MATN2: variants seen among roughly 807,000 people sequenced by gnomAD.
MATN2 encodes the protein matrilin-2.
A neutral mutation model predicts 103.2 loss-of-function variants in MATN2; 69 were observed. That is an observed-to-expected ratio of 0.67 (90% CI 0.55 to 0.82). The LOEUF (loss-of-function observed/expected upper bound fraction) is 0.82. Ranked by LOEUF, MATN2 falls within the 40% of genes least tolerant of loss-of-function variation. The pLI is 0.00. For synonymous variants in MATN2, 429 were observed against 450.2 expected, an observed-to-expected ratio of 0.95 and a Z score of 0.60; for missense variants, 1,023 against 1,211.5, an observed-to-expected ratio of 0.84 and a Z score of 2.31.
chr8:97,922,098 C>T (rs1392658355), intron 2 of MATN2, among the ~76,000 whole-genome samples: 1 of 152,142 alleles, frequency 6.6e-6, no homozygotes, highest in East Asian at 1.9e-4. Flanking sequence ...GTGAAACAGT[C>T]CCCCTCTTCC....
intron 4 of MATN2, among the ~76,000 whole-genome samples, chr8:97,956,351 AT>A (rs1433085371): frequency 6.6e-6 from 1 of 152,062 alleles, no homozygotes; most frequent in Admixed American, 6.6e-5. Context: ...CTAATTTTGT[AT>A]TTTTAATAGA....
chr8:98,026,150 G>A (rs1813790904), intron 13 of MATN2, among the ~76,000 whole-genome samples: 1 of 127,604 alleles, frequency 7.8e-6, no homozygotes, highest in Non-Finnish European at 1.6e-5. Context: ...TTGCACTTCA[G>A]CCTGGGTAAC....
chr8:97,974,489 C>T (rs1376086556), intron 5 of MATN2, among the ~76,000 whole-genome samples: 2 of 152,044 alleles, frequency 1.3e-5, no homozygotes, highest in African/African-American at 2.4e-5. Flanking sequence ...CACTGTCGCC[C>T]AGGCTGGAAT....
intron 4 of MATN2, among the ~76,000 whole-genome samples, chr8:97,952,922 T>TA (rs1477550942): frequency 6.9e-6 from 1 of 144,150 alleles, no homozygotes; most frequent in East Asian, 2.0e-4. Flanking sequence ...AGGGATTTTT[T>TA]TTTTTTTTTT....
At position 98,036,353 on chromosome 8, in the gene MATN2, C is replaced by T. The variant is rs1736121232; in HGVS notation, c.*641C>T. On this transcript the variant is annotated 3_prime_UTR_variant, in exon 19 of 19. Coordinates refer to ENST00000254898, the MANE Select transcript of MATN2 (RefSeq NM_002380.5). ...TGCAGGTTAAAACAATACCATTTTTCACCCATCAGCTTAGCAAAAATGAGT... is the reference window on the plus strand; with the variant it reads ...TGCAGGTTAAAACAATACCATTTTTTACCCATCAGCTTAGCAAAAATGAGT... 1 of 152,170 alleles carries T rather than the reference C, an allele frequency of 6.6e-6. No individual in the cohort carries two copies. Among genetic ancestry groups the T allele is most frequent in the South Asian group, 2.1e-4 (1 of 4,828 alleles). 9.4% of individuals were successfully genotyped at this position (152,170 alleles called of 1,614,324 possible).
At chr8:97,939,715 G>T (rs1810490196) in intron 3 of MATN2, among the ~76,000 whole-genome samples, 1 of 152,244 alleles carries the variant, frequency 6.6e-6, no homozygotes, top group Non-Finnish European at 1.5e-5. Flanking sequence ...ATGTCCACTA[G>T]TGACCGTGAA....
At chr8:97,938,399 C>T (rs143311510) in intron 3 of MATN2, among the ~76,000 whole-genome samples, 260 of 152,238 alleles carry the variant, frequency 1.7e-3, no homozygotes, top group Middle Eastern at 0.01. Context: ...ATCGTTAGGA[C>T]CATCGTTGCT....
chr8:98,001,887 AAAG>A (rs989128056), intron 7 of MATN2, among the ~76,000 whole-genome samples: 15 of 152,192 alleles, frequency 9.9e-5, no homozygotes, highest in African/African-American at 3.4e-4. Flanking sequence ...AATGACTGAC[AAAG>A]AAGAACATGG....
rs767423648 is a variant in MATN2, at chr8:98,007,383, C to T, written c.1451-96C>T. On this transcript the variant is annotated intron_variant, in intron 9 of 18. Transcript: ENST00000254898. This position sits in a 1 kb window ranked among gnomAD's most constrained non-coding sequence, Gnocchi z 4.2. ...GATGTCCACTGGGACTGCATGCCTT[C>T]GAGGGAGGGCGGGGTGAGCATGACG... 5.7e-4 allele frequency: 892 copies of T among 1,557,646 alleles called. 1 individual carries two copies. The highest frequency in any genetic ancestry group is 8.9e-4 in the Middle Eastern group (5 of 5,640).
At position 98,035,842 on chromosome 8, in the gene MATN2, C is replaced by A; in HGVS notation, c.*130C>A. ...AGTAAAACAATCAGTACTGAGAAAC[C>A]TGGTTTGCCACAGAACAAAGACAAG... On this transcript the variant is annotated 3_prime_UTR_variant, in exon 19 of 19. Transcript: ENST00000254898. The A allele has an allele frequency of 2.0e-6, 1 of 491,116 alleles. No homozygotes were observed. The allele number at this position is 491,116 out of a possible 1,614,324, so 30.4% of individuals were successfully genotyped here. A position where few individuals can be genotyped will look rare whatever the true frequency, so the allele number is the denominator to read the frequency against.
At chr8:98,008,710 G>A (rs996723110) in intron 10 of MATN2, among the ~76,000 whole-genome samples, 1 of 152,126 alleles carries the variant, frequency 6.6e-6, no homozygotes, top group Non-Finnish European at 1.5e-5. Flanking sequence ...AAAGAGGGTG[G>A]GTGTGTTGAA....
At chr8:97,917,483 G>C (rs115077677) in intron 2 of MATN2, among the ~76,000 whole-genome samples, 2,538 of 152,278 alleles carry the variant, frequency 0.017, 82 homozygotes, top group African/African-American at 0.059. Context: ...ATCTTGAATG[G>C]CATCAGCTGC....
At chr8:97,926,976 C>G (rs58084851) in intron 2 of MATN2, among the ~76,000 whole-genome samples, 1 of 152,194 alleles carries the variant, frequency 6.6e-6, no homozygotes, top group Admixed American at 6.5e-5. Flanking sequence ...TATAGAACTT[C>G]TTTTCTCCAG....
At chr8:97,963,428 T>C (rs1164669828) in intron 5 of MATN2, among the ~76,000 whole-genome samples, 1 of 152,172 alleles carries the variant, frequency 6.6e-6, no homozygotes, top group Non-Finnish European at 1.5e-5. Flanking sequence ...CCTTGGCCCA[T>C]GGGAAACTGG....
chr8:97,894,879 C>CA (rs1563651307), intron 2 of MATN2, among the ~76,000 whole-genome samples: 3 of 151,668 alleles, frequency 2.0e-5, no homozygotes, highest in Non-Finnish European at 4.4e-5. Flanking sequence ...ATTAACCCCC[C>CA]CTTTTTTTTT....
rs1034725312 is a variant in MATN2, at chr8:98,021,269, C to T, written c.1884C>T (p.Ser628=). Residue 628 remains serine, a synonymous_variant, in exon 13 of 19, where the codon TCC becomes TCT. Coordinates refer to ENST00000254898, the MANE Select transcript of MATN2 (RefSeq NM_002380.5). ...ACATTTGTGTTAATAATGGGAATTC[C>T]TACATCTGCAAATGCTCAGAGGGAT... ...CEHICVNNGN[S]YICKCSEGFV... is the part of the protein sequence containing the mutation. 1.9e-6 allele frequency: 3 copies of T among 1,613,684 alleles called. No homozygotes were observed. The highest frequency in any genetic ancestry group is 1.1e-5 in the South Asian group (1 of 91,082).
At chr8:98,029,451 G>C (rs1017699171) in intron 14 of MATN2, among the ~76,000 whole-genome samples, 8 of 152,142 alleles carry the variant, frequency 5.3e-5, no homozygotes, top group African/African-American at 1.9e-4. Flanking sequence ...AAAGACAGGT[G>C]GTAGCAGAAA....
At chr8:97,987,773 G>A (rs1812243804) in intron 6 of MATN2, among the ~76,000 whole-genome samples, 1 of 152,122 alleles carries the variant, frequency 6.6e-6, no homozygotes, top group East Asian at 1.9e-4. Context: ...AATGAACAGG[G>A]AAGTTAACAT....
At chr8:97,951,349 A>T (rs1810945783) in intron 4 of MATN2, among the ~76,000 whole-genome samples, 1 of 152,170 alleles carries the variant, frequency 6.6e-6, no homozygotes, top group Non-Finnish European at 1.5e-5. Flanking sequence ...AAAAAAATGT[A>T]CATATCAGGG....
Sources: allele counts gnomAD v4.1 joint callset (sites outside exome capture counted in the v4.1 genomes callset), GRCh38; gene constraint gnomAD v4.1.1; non-coding constraint Gnocchi (gnomAD v3.1); transcripts MANE v1.5; gene names NCBI Gene and HGNC (gene_info 2026-07-23, HGNC 2026-07-21).